RTL4: variants seen among roughly 807,000 people sequenced by gnomAD.
RTL4 encodes retrotransposon Gag-like protein 4.
RTL4 carries 4 observed loss-of-function variants against 5.3 expected under a neutral mutation model. The ratio of observed to expected loss-of-function variants is 0.75; its 90% CI spans 0.37 to 1.72. The LOEUF (loss-of-function observed/expected upper bound fraction) is 1.72, where lower values mean the gene tolerates loss of function less well. RTL4 is among the 40% of genes most tolerant of loss of function. RTL4 has a pLI of 0.04. For missense variants in RTL4, 260 were observed against 227.1 expected (o/e 1.14, Z -0.93); for synonymous variants, 98 against 87.3 (o/e 1.12, Z -0.68).
the RTL4 span, among the ~76,000 whole-genome samples, chrX:112,133,911 C>T: frequency 1.8e-5 from 2 of 111,843 alleles, no homozygotes; most frequent in Non-Finnish European, 3.8e-5. Context: ...TCCCATTCTG[C>T]TCTCTTGCTC....
the RTL4 span, among the ~76,000 whole-genome samples, chrX:112,351,920 C>G: frequency 9.0e-6 from 1 of 111,569 alleles, no homozygotes; most frequent in Non-Finnish European, 1.9e-5. Flanking sequence ...ATGATGTTAG[C>G]TGGTTCTTTT....
chrX:112,230,010 C>A, the RTL4 span, among the ~76,000 whole-genome samples: 4 of 112,573 alleles, frequency 3.6e-5, no homozygotes, highest in Non-Finnish European at 7.5e-5. Context: ...TGCCCATTCT[C>A]AGATCTCCAG....
At chrX:112,404,032 GC>G in the RTL4 span, among the ~76,000 whole-genome samples, 1 of 111,167 alleles carries the variant, frequency 9.0e-6, no homozygotes, top group African/African-American at 3.3e-5. Context: ...CTCCCTTTTA[GC>G]CTGATCTCTC....
the RTL4 span, among the ~76,000 whole-genome samples, chrX:112,431,467 C>T: frequency 9.0e-6 from 1 of 111,217 alleles, no homozygotes; most frequent in Admixed American, 9.6e-5. Context: ...TTAACCCTTG[C>T]TTGTCCACAT....
chrX:112,353,839 T>C, the RTL4 span, among the ~76,000 whole-genome samples: 2 of 110,796 alleles, frequency 1.8e-5, no homozygotes, highest in African/African-American at 6.6e-5. Context: ...ATAATAATAA[T>C]AAAATAAAAT....
the RTL4 span, among the ~76,000 whole-genome samples, chrX:112,441,581 G>C: frequency 9.0e-6 from 1 of 111,457 alleles, no homozygotes; most frequent in Non-Finnish European, 1.9e-5. Flanking sequence ...TACACTGCTG[G>C]TGAGAATGCA....
the RTL4 span, among the ~76,000 whole-genome samples, chrX:112,127,051 A>C: frequency 8.9e-6 from 1 of 112,034 alleles, no homozygotes; most frequent in South Asian, 3.7e-4. Context: ...GGAGGAGCGA[A>C]CACTTTTAAT....
At chrX:112,120,511 C>T in the RTL4 span, among the ~76,000 whole-genome samples, 4 of 109,395 alleles carry the variant, frequency 3.7e-5, no homozygotes, top group African/African-American at 3.3e-5. Context: ...CTCCTGACCT[C>T]GTGATCTGCC....
At chrX:112,391,322 C>T in the RTL4 span, among the ~76,000 whole-genome samples, 443 of 111,158 alleles carry the variant, frequency 4.0e-3, 1 homozygote, top group African/African-American at 0.014. Flanking sequence ...GTCATTCCAG[C>T]CAGCTCAGCC....
chrX:112,250,758 T>A, the RTL4 span, among the ~76,000 whole-genome samples: 1 of 111,754 alleles, frequency 8.9e-6, no homozygotes, highest in South Asian at 3.7e-4. Flanking sequence ...CTGGATTTTC[T>A]TAGGGACAGG....
the RTL4 span, among the ~76,000 whole-genome samples, chrX:112,364,716 A>C: frequency 2.7e-5 from 3 of 111,456 alleles, no homozygotes; most frequent in Non-Finnish European, 5.7e-5. Context: ...GAGAGGTAAG[A>C]GCAAGATGAA....
At chrX:112,346,591 A>G in the RTL4 span, among the ~76,000 whole-genome samples, 4 of 111,260 alleles carry the variant, frequency 3.6e-5, no homozygotes, top group Non-Finnish European at 7.5e-5. Flanking sequence ...CCTCTTTAGT[A>G]TGAAATACAG....
chrX:112,148,125 G>A, the RTL4 span, among the ~76,000 whole-genome samples: 1 of 110,637 alleles, frequency 9.0e-6, no homozygotes, highest in Non-Finnish European at 1.9e-5. Flanking sequence ...TGTAAGAATG[G>A]GAAGAGCATT....
At chrX:112,189,444 A>T in the RTL4 span, among the ~76,000 whole-genome samples, 3 of 111,961 alleles carry the variant, frequency 2.7e-5, no homozygotes, top group African/African-American at 6.5e-5. Flanking sequence ...AAGCATAAAC[A>T]TTCAGTTATA....
the RTL4 span, among the ~76,000 whole-genome samples, chrX:112,184,655 C>T: frequency 8.9e-6 from 1 of 111,989 alleles, no homozygotes; most frequent in Non-Finnish European, 1.9e-5. Context: ...CCACATTCTG[C>T]TATTTGGTAA....
At chrX:112,233,741 T>C in the RTL4 span, among the ~76,000 whole-genome samples, 3 of 110,910 alleles carry the variant, frequency 2.7e-5, no homozygotes, top group Non-Finnish European at 5.7e-5. Context: ...TCCAACAGAG[T>C]TGTAGTGCCT....
At chrX:112,202,829 T>TA in the RTL4 span, among the ~76,000 whole-genome samples, 10 of 110,856 alleles carry the variant, frequency 9.0e-5, no homozygotes, top group African/African-American at 2.9e-4. Flanking sequence ...TTTAGTTTTA[T>TA]AAAAAAACTG....
the RTL4 span, among the ~76,000 whole-genome samples, chrX:112,332,196 G>T: frequency 9.1e-6 from 1 of 110,282 alleles, no homozygotes; most frequent in Admixed American, 9.7e-5. Context: ...GTGCTGAAGA[G>T]GATGTGGAGA....
At chrX:112,386,077 A>T in the RTL4 span, among the ~76,000 whole-genome samples, 2 of 110,842 alleles carry the variant, frequency 1.8e-5, no homozygotes, top group Non-Finnish European at 3.8e-5. Flanking sequence ...ATTTTATATT[A>T]ATAGGCTTTA....
Sources: allele counts gnomAD v4.1 joint callset (sites outside exome capture counted in the v4.1 genomes callset), GRCh38; gene constraint gnomAD v4.1.1; transcripts MANE v1.5; gene names NCBI Gene and HGNC (gene_info 2026-07-23, HGNC 2026-07-21).